PLS1: variants seen among roughly 807,000 people sequenced by gnomAD.
PLS1 encodes plastin 1.
In PLS1, 32 loss-of-function variants were observed where a neutral mutation model predicts 73.7. The ratio of observed to expected loss-of-function variants is 0.43; its 90% CI spans 0.33 to 0.58. The LOEUF (loss-of-function observed/expected upper bound fraction) is 0.58. Among genes scored for constraint, PLS1 ranks in the 20% least tolerant of loss-of-function variants. The pLI is 0.04. For missense variants in PLS1, 633 were observed against 740.5 expected, an observed-to-expected ratio of 0.85 and a Z score of 1.68; for synonymous variants, 217 against 261.3, an observed-to-expected ratio of 0.83 and a Z score of 1.63.
chr3:142,651,237 A>T (rs982255060), intron 1 of PLS1, among the ~76,000 whole-genome samples: 1 of 151,948 alleles, frequency 6.6e-6, no homozygotes, highest in Admixed American at 6.6e-5. Context: ...AGGCAGGTGG[A>T]TCACCTGAAG....
chr3:142,618,587 G>A (rs2036255436), intron 1 of PLS1, among the ~76,000 whole-genome samples: 1 of 152,122 alleles, frequency 6.6e-6, no homozygotes, highest in African/African-American at 2.4e-5. Flanking sequence ...TTTGATGGTA[G>A]ACCTGAGATC....
intron 1 of PLS1, among the ~76,000 whole-genome samples, chr3:142,637,383 A>G (rs1046352170): frequency 6.6e-6 from 1 of 152,160 alleles, no homozygotes; most frequent in African/African-American, 2.4e-5. Flanking sequence ...ACAGAGGAGG[A>G]CGGGAAGGAG....
At chr3:142,622,971 A>G (rs1212191945) in intron 1 of PLS1, among the ~76,000 whole-genome samples, 1 of 152,120 alleles carries the variant, frequency 6.6e-6, no homozygotes, top group Admixed American at 6.6e-5. Context: ...TTTAAGAGAT[A>G]GGGTCTTGCT....
chr3:142,675,492 C>T (rs1242821371), intron 4 of PLS1, among the ~76,000 whole-genome samples: 1 of 152,108 alleles, frequency 6.6e-6, no homozygotes, highest in African/African-American at 2.4e-5. Flanking sequence ...ATGTCATTCT[C>T]CTGCCTCAGC....
intron 1 of PLS1, among the ~76,000 whole-genome samples, chr3:142,636,452 C>T (rs899866293): frequency 3.4e-4 from 51 of 152,076 alleles, no homozygotes; most frequent in African/African-American, 1.2e-3. Context: ...AGATTGTAGA[C>T]CTGAATATCA....
At chr3:142,598,720 G>T (rs1301845940) in intron 1 of PLS1, among the ~76,000 whole-genome samples, 2 of 152,198 alleles carry the variant, frequency 1.3e-5, no homozygotes, top group Non-Finnish European at 2.9e-5. Flanking sequence ...CCAATTGGCT[G>T]GGTGTGGTGG....
Position 142,678,123 on chromosome 3 carries a change from T to A in PLS1, c.579+10T>A. On this transcript the variant is annotated intron_variant, in intron 6 of 15. Coordinates refer to ENST00000457734, the MANE Select transcript of PLS1 (RefSeq NM_001145319.2). ...GCCATTCACTATTTCTGTAAGTATT[T>A]GCCCTTTGCTTATTATCATGTTACT... is the stretch of plus-strand genomic sequence containing the variant. The A allele has an allele frequency of 7.2e-7, 1 of 1,381,854 alleles. No homozygotes were observed. Among genetic ancestry groups the A allele is most frequent in the Non-Finnish European group, 9.9e-7 (1 of 1,005,226 alleles). 85.6% of individuals were successfully genotyped at this position (1,381,854 alleles called of 1,614,324 possible).
intron 1 of PLS1, among the ~76,000 whole-genome samples, chr3:142,640,030 A>T (rs947397934): frequency 6.6e-6 from 1 of 152,216 alleles, no homozygotes; most frequent in Non-Finnish European, 1.5e-5. Flanking sequence ...ATTTTAAGCT[A>T]TTGATTAAAA....
At chr3:142,711,478 T>A in intron 14 of PLS1, 23 bp from the exon 15 acceptor site, 2 of 1,524,394 alleles carry the variant, frequency 1.3e-6, no homozygotes, top group Non-Finnish European at 1.8e-6. Flanking sequence ...TTTATGAATG[T>A]TCATCTATGC....
At chr3:142,681,374 A>G (rs1339786475) in intron 6 of PLS1, among the ~76,000 whole-genome samples, 2 of 152,186 alleles carry the variant, frequency 1.3e-5, no homozygotes, top group African/African-American at 2.4e-5. Flanking sequence ...CATGTGAACA[A>G]TAATCTGGCA....
chr3:142,631,222 CA>C (rs201106682), intron 1 of PLS1, among the ~76,000 whole-genome samples: 20 of 141,546 alleles, frequency 1.4e-4, no homozygotes, highest in Non-Finnish European at 1.6e-4. Context: ...ATAAAAAATA[CA>C]AAAAAAAAAG....
chr3:142,685,753 G>T (rs577591051), intron 8 of PLS1, among the ~76,000 whole-genome samples: 6 of 152,210 alleles, frequency 3.9e-5, no homozygotes, highest in South Asian at 2.1e-4. Flanking sequence ...GAATCATAAG[G>T]CCTGTCCAAA....
chr3:142,656,372 C>T (rs2037236435), intron 1 of PLS1, among the ~76,000 whole-genome samples: 1 of 152,206 alleles, frequency 6.6e-6, no homozygotes, highest in South Asian at 2.1e-4. Context: ...AATTATATTG[C>T]ACCATTTTCA....
chr3:142,650,571 A>G (rs887177488), intron 1 of PLS1, among the ~76,000 whole-genome samples: 4 of 152,144 alleles, frequency 2.6e-5, no homozygotes, highest in African/African-American at 9.7e-5. Context: ...ATGCCTATTC[A>G]TAAAGCAAAA....
intron 12 of PLS1, among the ~76,000 whole-genome samples, chr3:142,701,830 C>A (rs1011166780): frequency 6.6e-6 from 1 of 152,190 alleles, no homozygotes; most frequent in Non-Finnish European, 1.5e-5. Context: ...CTATAAAATT[C>A]TCCCACTGAA....
intron 1 of PLS1, among the ~76,000 whole-genome samples, chr3:142,600,404 G>A (rs2035893145): frequency 1.3e-5 from 2 of 152,104 alleles, no homozygotes; most frequent in Admixed American, 6.5e-5. Flanking sequence ...CAATGGCTTT[G>A]GAGAGGGTAG....
intron 1 of PLS1, among the ~76,000 whole-genome samples, chr3:142,635,464 A>G (rs904855568): frequency 6.6e-6 from 1 of 150,862 alleles, no homozygotes; most frequent in Admixed American, 6.6e-5. Context: ...TTAGCTGGGC[A>G]TGGTGACGCG....
chr3:142,684,362 G>T lies in PLS1; in HGVS notation c.855G>T (p.Trp285Cys), dbSNP rs2037920337. 4.3e-6 allele frequency: 7 copies of T among 1,613,558 alleles called. 1 individual carries two copies. The South Asian group carries it at 7.7e-5, about 18-fold the overall frequency. ...ACTACCATCTGACCAATGCAGGATG[G>T]CATACCATCAGCAACTTCAGCCAAG... ...WVNYHLTNAG[W>C]HTISNFSQDI... Residue 285 changes from tryptophan (W) to cysteine (C), a missense_variant, in exon 8 of 16, where the codon TGG (tryptophan) becomes TGT (cysteine). Coordinates refer to ENST00000457734, the MANE Select transcript of PLS1 (RefSeq NM_001145319.2).
At chr3:142,662,729 T>C (rs1420614736) in intron 1 of PLS1, among the ~76,000 whole-genome samples, 1 of 152,190 alleles carries the variant, frequency 6.6e-6, no homozygotes, top group Admixed American at 6.5e-5. Flanking sequence ...TTAGAAGCAG[T>C]ACAAATACTC....
Sources: gnomAD v4.1 joint callset for allele counts (sites outside exome capture counted in the v4.1 genomes callset) on GRCh38, gnomAD v4.1.1 for gene constraint, MANE v1.5 for transcripts, NCBI Gene and HGNC (gene_info 2026-07-23, HGNC 2026-07-21) for gene names.